The following GMEB2 variants were observed in gnomAD, a reference collection of about 807,000 sequenced individuals.
The protein encoded by GMEB2 is glucocorticoid modulatory element binding protein 2.
GMEB2 carries 7 observed loss-of-function variants against 45.7 expected under a neutral mutation model. That is an observed-to-expected ratio of 0.15 (90% CI 0.09 to 0.29). The LOEUF (loss-of-function observed/expected upper bound fraction) is 0.29. Ranked by LOEUF, GMEB2 falls within the 10% of genes least tolerant of loss-of-function variation. The pLI is 1.00. For synonymous variants in GMEB2, 322 were observed against 323.6 expected (o/e 1.00, Z 0.05); for missense variants, 582 against 739.2 (o/e 0.79, Z 2.47).
intron 5 of GMEB2, among the ~76,000 whole-genome samples, chr20:63,597,016 C>CAA (rs11379460): frequency 1.2e-4 from 18 of 149,956 alleles, no homozygotes; most frequent in Non-Finnish European, 2.2e-4. Flanking sequence ...GACTCCCTCT[C>CAA]AAAAAAAAAG....
chr20:63,598,343 G>GACACACACACACACAC lies in GMEB2; in HGVS notation c.358-499_358-484dup, dbSNP rs67747559. On this transcript the variant is annotated intron_variant, in intron 4 of 9. Coordinates refer to ENST00000370077, the MANE Select transcript of GMEB2 (RefSeq NM_012384.5). ...AAACACCGGCACCTGCTCTCACTCT[G>GACACACACACACACAC]ACACACACACACACACACACACACA... is the stretch of plus-strand genomic sequence containing the variant. Among the ~76,000 whole-genome samples, 133 of 146,162 alleles carry GACACACACACACACAC rather than the reference G, an allele frequency of 9.1e-4. 2 individuals are homozygous for GACACACACACACACAC. The highest frequency in any genetic ancestry group is 3.4e-3 in the Middle Eastern group (1 of 290).
chr20:63,618,585 G>A (rs995285788), intron 2 of GMEB2, among the ~76,000 whole-genome samples: 1 of 152,216 alleles, frequency 6.6e-6, no homozygotes, highest in African/African-American at 2.4e-5. Flanking sequence ...TCAGTGATAT[G>A]CTAGGTCAGC....
Position 63,590,401 on chromosome 20 carries a change from C to T in GMEB2, c.1281G>A (p.Leu427=), listed in dbSNP as rs1485817454. ...AGGCCAAGACTGTGTATCCCCCGAG[C>T]AGCGGGGAGGCCGGGGAGCTGGCGG... The part of the protein sequence containing the change: ...APPASSPASP[L]LGGYTVLASS... The change falls in exon 10 of 10, where the codon CTG becomes CTA. Residue 427 remains leucine, a synonymous_variant. Coordinates refer to ENST00000370077, the MANE Select transcript of GMEB2 (RefSeq NM_012384.5). The T allele has an allele frequency of 6.3e-7, 1 of 1,583,708 alleles. No homozygotes were observed. The highest frequency in any genetic ancestry group is 2.3e-5 in the East Asian group (1 of 44,044).
chr20:63,602,840 C>A, intron 4 of GMEB2, 125 bp downstream of exon 4: 1 of 813,336 alleles, frequency 1.2e-6, no homozygotes, highest in Non-Finnish European at 2.0e-6. Context: ...TCTTCCCGCA[C>A]CTCCTTCACT....
intron 5 of GMEB2, among the ~76,000 whole-genome samples, chr20:63,595,983 G>A (rs529986459): frequency 5.9e-5 from 9 of 152,288 alleles, no homozygotes; most frequent in African/African-American, 1.9e-4. Flanking sequence ...CCCACGCTAC[G>A]GCACTGTCCC....
rs372420185 is a variant in GMEB2 at position 63,592,983 on chromosome 20, G to A, written c.691+28C>T. ...ACTCCACCACCCCGCCAGGGCTTGTGAGAAGCCCACAAGGAGGAACCTCGT... is the reference window on the plus strand; with the variant it reads ...ACTCCACCACCCCGCCAGGGCTTGTAAGAAGCCCACAAGGAGGAACCTCGT... On this transcript the variant is annotated intron_variant, in intron 7 of 9. Coordinates refer to ENST00000370077, the MANE Select transcript of GMEB2 (RefSeq NM_012384.5). This position sits in a 1 kb window ranked among gnomAD's most constrained non-coding sequence, Gnocchi z 8.2. 1.0e-5 allele frequency: 16 copies of A among 1,525,346 alleles called. No homozygotes were observed. Among genetic ancestry groups the A allele is most frequent in the Admixed American group, 7.0e-5 (4 of 56,998 alleles). The allele number at this position is 1,525,346 out of a possible 1,614,324, so 94.5% of individuals were successfully genotyped here.
At chr20:63,618,921 G>A (rs1270470611) in intron 2 of GMEB2, among the ~76,000 whole-genome samples, 1 of 152,172 alleles carries the variant, frequency 6.6e-6, no homozygotes, top group Non-Finnish European at 1.5e-5. Flanking sequence ...GTTTCATGAA[G>A]ACTGTCAAGA....
intron 2 of GMEB2, among the ~76,000 whole-genome samples, chr20:63,610,583 G>A (rs971929866): frequency 5.3e-5 from 8 of 152,180 alleles, no homozygotes; most frequent in African/African-American, 1.9e-4. Context: ...CCAGATGGTA[G>A]AAGAACAGAT....
chr20:63,616,809 C>G (rs190419409), intron 2 of GMEB2, among the ~76,000 whole-genome samples: 202 of 152,336 alleles, frequency 1.3e-3, no homozygotes, highest in African/African-American at 4.4e-3. Context: ...GCCTACAGGA[C>G]CCTGAGAGCT....
intron 2 of GMEB2, among the ~76,000 whole-genome samples, chr20:63,617,254 G>T (rs1386787554): frequency 3.9e-5 from 6 of 152,136 alleles, no homozygotes; most frequent in African/African-American, 2.4e-5. Context: ...GGAATTACAG[G>T]TATGAGCCAC....
chr20:63,622,205 T>C (rs1456842113), intron 1 of GMEB2, among the ~76,000 whole-genome samples: 1 of 152,090 alleles, frequency 6.6e-6, no homozygotes, highest in East Asian at 1.9e-4. Context: ...ATTGTTAATA[T>C]AAAAATAACA....
chr20:63,594,629 A>C (rs900165089), intron 6 of GMEB2, among the ~76,000 whole-genome samples: 22 of 152,212 alleles, frequency 1.4e-4, no homozygotes, highest in African/African-American at 5.1e-4. Flanking sequence ...ACAGGAACAC[A>C]ATCTGGCCAG....
In GMEB2 at chr20:63,592,808, A is replaced by C; in HGVS notation, c.692-138T>G. ...GCGCCTGGCACTGTGCTGGGCTTGC[A>C]CTGCCCAGACACATCCACAGTGCCA... On this transcript the variant is annotated intron_variant, in intron 7 of 9. Transcript: ENST00000370077. The surrounding 1 kb of genome is among the most constrained non-coding windows in gnomAD (Gnocchi z 8.2). 1 of 818,342 alleles carries C rather than the reference A, an allele frequency of 1.2e-6. No individual in the cohort carries two copies. Among genetic ancestry groups the C allele is most frequent in the Non-Finnish European group, 2.1e-6 (1 of 480,798 alleles). 50.7% of individuals were successfully genotyped at this position (818,342 alleles called of 1,614,324 possible).
chr20:63,611,193 C>T (rs1350645681), intron 2 of GMEB2, among the ~76,000 whole-genome samples: 2 of 152,354 alleles, frequency 1.3e-5, no homozygotes, highest in East Asian at 3.9e-4. Context: ...ACCGCCTCTG[C>T]GTGGGGAGAG....
rs1457638062 is a variant in GMEB2 at position 63,590,509 on chromosome 20, G to A, written c.1173C>T (p.Pro391=). 2 of 1,509,640 alleles carry A rather than the reference G, an allele frequency of 1.3e-6. No homozygotes were observed. The highest frequency in any genetic ancestry group is 1.8e-6 in the Non-Finnish European group (2 of 1,124,404). The allele number at this position is 1,509,640 out of a possible 1,614,324, so 93.5% of individuals were successfully genotyped here. A position where few individuals can be genotyped will look rare whatever the true frequency, so the allele number is the denominator to read the frequency against. Reference sequence around the variant, plus strand: ...TACCAAGGGGCACGCTGGTCAGCTGGGGGACGGGCACGCCCGGGCCAAGCG... The same window carrying A: ...TACCAAGGGGCACGCTGGTCAGCTGAGGGACGGGCACGCCCGGGCCAAGCG... The part of the protein sequence containing the change: ...QLALGPGVPV[P]QLTSVPLGKV... The change falls in exon 10 of 10, where the codon CCC becomes CCT. Residue 391 remains proline, a synonymous_variant. Coordinates refer to ENST00000370077, the MANE Select transcript of GMEB2 (RefSeq NM_012384.5).
In GMEB2 at chr20:63,590,612, T is replaced by G. The variant is rs1351898370; in HGVS notation, c.1070A>C (p.Lys357Thr). ...LTPVSLPPPV[K>T]RPRLARATSG... ...TGTGGCACGTGCAAGCCGGGGCCGC[T>G]TCACAGGCGGTGGCAGGGAGACCGG... Residue 357 changes from lysine (K) to threonine (T), a missense_variant, in exon 10 of 10, where the codon AAG becomes ACG. Lys to Thr is a moderately conservative substitution (Grantham distance 78, BLOSUM62 -1). This residue lies in a region of GMEB2 where 462 missense variants were observed against 586.7 expected (regional missense o/e 0.79). Coordinates refer to ENST00000370077, the MANE Select transcript of GMEB2 (RefSeq NM_012384.5). 3.1e-6 allele frequency: 5 copies of G among 1,591,964 alleles called. No individual in the cohort carries two copies. The highest frequency in any genetic ancestry group is 4.3e-6 in the Non-Finnish European group (5 of 1,167,866).
chr20:63,604,881 G>A lies in GMEB2; in HGVS notation c.132-41C>T, dbSNP rs564927222. The A allele has an allele frequency of 3.4e-5, 39 of 1,137,056 alleles. 1 individual carries two copies. The East Asian group carries it at 4.7e-4, about 14-fold the overall frequency. The allele number at this position is 1,137,056 out of a possible 1,614,324, so 70.4% of individuals were successfully genotyped here. ...GAGGAGAGAATAGAATCAGGATCCC[G>A]GAGGGCACAACCTGCAGGGCACTAT... is the stretch of plus-strand genomic sequence containing the variant. On this transcript the variant is annotated intron_variant, in intron 2 of 9. Coordinates refer to ENST00000370077, the MANE Select transcript of GMEB2 (RefSeq NM_012384.5).
intron 9 of GMEB2, among the ~76,000 whole-genome samples, chr20:63,591,358 C>T (rs778390986): frequency 6.6e-6 from 1 of 151,464 alleles, no homozygotes; most frequent in Non-Finnish European, 1.5e-5. Context: ...ACTGAACACA[C>T]ACACAGTGAA....
chr20:63,614,918 A>G (rs1240127690), intron 2 of GMEB2, among the ~76,000 whole-genome samples: 1 of 151,842 alleles, frequency 6.6e-6, no homozygotes, highest in East Asian at 1.9e-4. Context: ...TGTATCCAAT[A>G]AATAGCGCAA....
Sources: allele counts gnomAD v4.1 joint callset (sites outside exome capture counted in the v4.1 genomes callset), GRCh38; gene constraint gnomAD v4.1.1; regional missense constraint gnomAD v4.1.1; non-coding constraint Gnocchi (gnomAD v3.1); transcripts MANE v1.5; gene names NCBI Gene and HGNC (gene_info 2026-07-23, HGNC 2026-07-21).